Variants in CNTN4 observed in about 807,000 individuals in gnomAD.
CNTN4 encodes contactin-4.
In CNTN4, 77 loss-of-function variants were observed where a neutral mutation model predicts 122.5. That is an observed-to-expected ratio of 0.63 (90% CI 0.52 to 0.76). The LOEUF (loss-of-function observed/expected upper bound fraction) is 0.76, where lower values mean the gene tolerates loss of function less well. Ranked by LOEUF, CNTN4 falls within the 30% of genes least tolerant of loss-of-function variation. The probability of loss-of-function intolerance (pLI) is 0.00; values close to 1 mark genes in which losing one functional copy is unlikely to be tolerated. For synonymous variants in CNTN4, 512 were observed against 447.0 expected (o/e 1.15, Z -1.83); for missense variants, 1,256 against 1,259.1 (o/e 1.00, Z 0.04).
intron 2 of CNTN4, among the ~76,000 whole-genome samples, chr3:2,180,480 G>T (rs190816518): frequency 7.9e-5 from 12 of 151,976 alleles, no homozygotes; most frequent in African/African-American, 2.4e-4. Context: ...ACATATTTTG[G>T]GTCCACTTGC....
chr3:2,761,111 C>T (rs1461333637), intron 6 of CNTN4, among the ~76,000 whole-genome samples: 1 of 152,122 alleles, frequency 6.6e-6, no homozygotes, highest in East Asian at 1.9e-4. Flanking sequence ...ACTAAAAGGC[C>T]CACCTTGTAC....
chr3:2,415,257 A>C (rs2047371749), intron 3 of CNTN4, among the ~76,000 whole-genome samples: 1 of 152,198 alleles, frequency 6.6e-6, no homozygotes, highest in Non-Finnish European at 1.5e-5. Context: ...TGACCATTCA[A>C]GGAGCAACAG....
chr3:2,189,176 T>A (rs944342859), intron 2 of CNTN4, among the ~76,000 whole-genome samples: 1 of 152,158 alleles, frequency 6.6e-6, no homozygotes, highest in African/African-American at 2.4e-5. Context: ...CTTATTGACA[T>A]CCAGGCTAAA....
At chr3:2,998,272 G>C (rs1179200818) in intron 14 of CNTN4, among the ~76,000 whole-genome samples, 1 of 152,174 alleles carries the variant, frequency 6.6e-6, no homozygotes, top group African/African-American at 2.4e-5. Flanking sequence ...CCAAATATGA[G>C]GGAATAGTCA....
chr3:2,144,463 G>A (rs1256226795), intron 2 of CNTN4, among the ~76,000 whole-genome samples: 1 of 152,184 alleles, frequency 6.6e-6, no homozygotes, highest in Non-Finnish European at 1.5e-5. Flanking sequence ...GCACTAGAGT[G>A]AAGAATTGTT....
At chr3:2,983,438 T>C (rs1694248118) in intron 13 of CNTN4, among the ~76,000 whole-genome samples, 1 of 152,006 alleles carries the variant, frequency 6.6e-6, no homozygotes, top group Admixed American at 6.6e-5. Flanking sequence ...CAGAATCCTT[T>C]GTAATTGCTT....
chr3:2,511,412 C>G (rs565601062), intron 3 of CNTN4: 1 of 152,342 alleles, frequency 6.6e-6, no homozygotes, highest in African/African-American at 2.4e-5. Flanking sequence ...GTCTTTGATT[C>G]GTGTGCTAAT....
At chr3:2,565,332 C>G (rs2079111258) in intron 3 of CNTN4, among the ~76,000 whole-genome samples, 1 of 152,128 alleles carries the variant, frequency 6.6e-6, no homozygotes, top group Non-Finnish European at 1.5e-5. Context: ...TAGCAGACTA[C>G]TTACTGCAAT....
At chr3:2,234,370 CAAAAAA>C (rs72401999) in intron 2 of CNTN4, among the ~76,000 whole-genome samples, 10,097 of 94,780 alleles carry the variant, frequency 0.11, 695 homozygotes, top group African/African-American at 0.23. Flanking sequence ...AAGTCCATCT[CAAAAAA>C]AAAAAAAAAA....
At chr3:2,565,234 T>G (rs529588899) in intron 3 of CNTN4, among the ~76,000 whole-genome samples, 1 of 152,266 alleles carries the variant, frequency 6.6e-6, no homozygotes, top group East Asian at 1.9e-4. Flanking sequence ...TCTTCCCCTC[T>G]TTTGCACTGT....
intron 6 of CNTN4, among the ~76,000 whole-genome samples, chr3:2,763,127 A>G (rs1479157661): frequency 3.3e-5 from 5 of 151,794 alleles, no homozygotes; most frequent in East Asian, 1.9e-4. Flanking sequence ...TTGTATTTTT[A>G]GTAGAGACGG....
chr3:2,116,645 A>T (rs17007897), intron 2 of CNTN4, among the ~76,000 whole-genome samples: 54,359 of 151,940 alleles, frequency 0.36, 10,546 homozygotes, highest in East Asian at 0.65. Context: ...TAACAAAAAC[A>T]GAGGAAATTC....
intron 7 of CNTN4, among the ~76,000 whole-genome samples, chr3:2,845,462 A>C (rs1008739402): frequency 4.6e-5 from 7 of 152,062 alleles, no homozygotes; most frequent in African/African-American, 1.7e-4. Context: ...GTTATATATA[A>C]ATATATAAAC....
chr3:2,530,288 TTTC>T (rs369404428), intron 3 of CNTN4, among the ~76,000 whole-genome samples: 71 of 151,806 alleles, frequency 4.7e-4, no homozygotes, highest in African/African-American at 1.5e-3. Context: ...TATACTCTAT[TTTC>T]TTCTTCTTTC....
chr3:2,156,909 A>G (rs763326882), intron 2 of CNTN4, among the ~76,000 whole-genome samples: 6 of 152,088 alleles, frequency 3.9e-5, no homozygotes, highest in Non-Finnish European at 8.8e-5. Context: ...ACCCTCTTGG[A>G]TGCTTATTTT....
intron 2 of CNTN4, among the ~76,000 whole-genome samples, chr3:2,284,397 T>TA (rs1650126568): frequency 1.3e-5 from 2 of 152,152 alleles, no homozygotes; most frequent in South Asian, 4.1e-4. Flanking sequence ...CAAGGTGGCT[T>TA]TATACTGTTT....
chr3:2,514,530 C>T (rs1006663317), intron 3 of CNTN4, among the ~76,000 whole-genome samples: 1 of 151,756 alleles, frequency 6.6e-6, no homozygotes, highest in African/African-American at 2.4e-5. Context: ...AACTGTAATA[C>T]TTTTGGATGA....
At chr3:2,251,536 GAAA>G (rs1402439058) in intron 2 of CNTN4, among the ~76,000 whole-genome samples, 1 of 151,302 alleles carries the variant, frequency 6.6e-6, no homozygotes, top group South Asian at 2.1e-4. Context: ...ATAAGAAAAT[GAAA>G]AAAAGAATGA....
chr3:2,801,611 G>A (rs913495727), intron 6 of CNTN4, among the ~76,000 whole-genome samples: 3 of 152,088 alleles, frequency 2.0e-5, no homozygotes, highest in African/African-American at 4.8e-5. Flanking sequence ...AAAATAGCAT[G>A]CTTCTGCTCT....
Sources: gnomAD v4.1 joint callset for allele counts (sites outside exome capture counted in the v4.1 genomes callset) on GRCh38, gnomAD v4.1.1 for gene constraint, MANE v1.5 for transcripts, NCBI Gene and HGNC (gene_info 2026-07-23, HGNC 2026-07-21) for gene names.